The following CCNT2 variants were observed in gnomAD, a reference collection of about 807,000 sequenced individuals.
CCNT2 encodes the protein cyclin-T2.
A neutral mutation model predicts 70.0 loss-of-function variants in CCNT2; 18 were observed. That is an observed-to-expected ratio of 0.26 (90% CI 0.18 to 0.38). CCNT2 has a LOEUF of 0.38. Ranked by LOEUF, CCNT2 falls within the 10% of genes least tolerant of loss-of-function variation. The pLI is 1.00. For synonymous variants in CCNT2, 334 were observed against 313.3 expected (o/e 1.07, Z -0.70); for missense variants, 734 against 890.2 (o/e 0.82, Z 2.23).
At chr2:134,929,532 C>T (rs1025826022) in intron 2 of CCNT2, among the ~76,000 whole-genome samples, 4 of 150,762 alleles carry the variant, frequency 2.7e-5, no homozygotes, top group Non-Finnish European at 4.4e-5. Context: ...CGCTTGAGCC[C>T]AGGAGGTTGA....
intron 4 of CCNT2, among the ~76,000 whole-genome samples, chr2:134,940,108 T>G (rs1317001091): frequency 6.6e-6 from 1 of 152,250 alleles, no homozygotes; most frequent in East Asian, 1.9e-4. Flanking sequence ...TTTGTCATTT[T>G]TTTAATTTCA....
chr2:134,927,812 A>T (rs1680407219), intron 2 of CCNT2, among the ~76,000 whole-genome samples: 3 of 152,162 alleles, frequency 2.0e-5, no homozygotes, highest in African/African-American at 7.2e-5. Flanking sequence ...GAAATGATGG[A>T]ATCTCCTTAC....
At chr2:134,935,289 C>G (rs189498257) in intron 2 of CCNT2, among the ~76,000 whole-genome samples, 1 of 152,276 alleles carries the variant, frequency 6.6e-6, no homozygotes, top group Admixed American at 6.5e-5. Flanking sequence ...TCTTGGGAGC[C>G]AAACTCTATT....
intron 2 of CCNT2, 95 bp from the exon 3 acceptor site, chr2:134,936,746 C>T: frequency 8.8e-7 from 1 of 1,137,676 alleles, no homozygotes. Context: ...AGGAGCGAAA[C>T]TCCACCTCAA....
At chr2:134,939,454 T>TTTTA (rs1030830002) in intron 4 of CCNT2, among the ~76,000 whole-genome samples, 2,939 of 151,768 alleles carry the variant, frequency 0.019, 92 homozygotes, top group African/African-American at 0.065. Context: ...ACCTTTTTTA[T>TTTTA]TTTATTTATT....
At chr2:134,919,571 C>T (rs996552528) in intron 1 of CCNT2, among the ~76,000 whole-genome samples, 3 of 152,106 alleles carry the variant, frequency 2.0e-5, no homozygotes, top group African/African-American at 7.2e-5. Context: ...ATAAATAGTT[C>T]CAGGGCCCTC....
chr2:134,934,210 T>C (rs1680991386), intron 2 of CCNT2, among the ~76,000 whole-genome samples: 1 of 152,216 alleles, frequency 6.6e-6, no homozygotes, highest in South Asian at 2.1e-4. Context: ...TTTACTTTTT[T>C]CCCTTTAATT....
In CCNT2 at chr2:134,936,874, A is replaced by G; in HGVS notation, c.274A>G (p.Lys92Glu). The G allele has an allele frequency of 6.2e-7, 1 of 1,613,714 alleles. No individual in the cohort carries two copies. The highest frequency in any genetic ancestry group is 8.5e-7 in the Non-Finnish European group (1 of 1,179,692). ...GTCTACTGCATTATTTTTGGCTGCAAAAGTGGAAGAACAGGCTCGAAAACT... is the reference window on the plus strand; with the variant it reads ...GTCTACTGCATTATTTTTGGCTGCAGAAGTGGAAGAACAGGCTCGAAAACT... ...ISSTALFLAA[K>E]VEEQARKLEH... Residue 92 changes from lysine to glutamate, a missense_variant, in exon 3 of 9, where the codon AAA (lysine) becomes GAA (glutamate). By Grantham distance (56) the Lys-to-Glu change is moderately conservative. This residue lies in a region of CCNT2 where 161 missense variants were observed against 303.8 expected (regional missense o/e 0.53). Transcript: ENST00000264157.
chr2:134,918,872 A>G lies in CCNT2; in HGVS notation c.18A>G (p.Gly6=). The change falls in exon 1 of 9, where the codon GGA becomes GGG. Residue 6 remains glycine (G), a synonymous_variant. Transcript: ENST00000264157. The part of the protein sequence containing the change: MASGR[G]ASSRWFFTRE... Reference sequence around the variant, plus strand: ...GAAGTGTCATGGCGTCGGGCCGTGGAGCTTCTTCTCGCTGGTTCTTTACTC... The same window carrying G: ...GAAGTGTCATGGCGTCGGGCCGTGGGGCTTCTTCTCGCTGGTTCTTTACTC... 2 of 1,613,484 alleles carry G rather than the reference A, an allele frequency of 1.2e-6. No homozygotes were observed. Among genetic ancestry groups the G allele is most frequent in the Non-Finnish European group, 8.5e-7 (1 of 1,179,670 alleles).
At position 134,954,005 on chromosome 2, in the gene CCNT2, G is replaced by C. The variant is rs948550344; in HGVS notation, c.1550G>C (p.Ser517Thr). 6.2e-6 allele frequency: 10 copies of C among 1,614,018 alleles called. No individual in the cohort carries two copies. Among genetic ancestry groups the C allele is most frequent in the Non-Finnish European group, 8.5e-6 (10 of 1,180,032 alleles). The change falls in exon 9 of 9, where the codon AGC (serine) becomes ACC (threonine). Residue 517 changes from serine (S) to threonine (T), a missense_variant. This residue lies in a region of CCNT2 where 532 missense variants were observed against 556.9 expected (regional missense o/e 0.96). Coordinates refer to ENST00000264157, the MANE Select transcript of CCNT2 (RefSeq NM_058241.3). ...ATTCCAATACCACCCACTGATAAAA[G>C]CGCCAGTAAAGAAGAACTGAAAATG... ...LRIPIPPTDK[S>T]ASKEELKMKI...
intron 2 of CCNT2, among the ~76,000 whole-genome samples, chr2:134,932,379 A>C (rs1340683090): frequency 1.3e-5 from 2 of 152,200 alleles, no homozygotes; most frequent in Non-Finnish European, 2.9e-5. Flanking sequence ...CGGTTATGTT[A>C]ACCATTTTCA....
chr2:134,937,797 C>G (rs1375702799), intron 3 of CCNT2, among the ~76,000 whole-genome samples: 1 of 152,110 alleles, frequency 6.6e-6, no homozygotes, highest in African/African-American at 2.4e-5. Context: ...GCCTGTGATC[C>G]CAGCTACTTG....
At chr2:134,949,996 A>G (rs986946963) in intron 7 of CCNT2, among the ~76,000 whole-genome samples, 3 of 152,142 alleles carry the variant, frequency 2.0e-5, no homozygotes, top group Admixed American at 6.5e-5. Context: ...GGTTTTCACC[A>G]TGTTGGCCAG....
chr2:134,919,128 G>T (rs1210765184), intron 1 of CCNT2, 116 bp downstream of exon 1: 1 of 1,186,404 alleles, frequency 8.4e-7, no homozygotes, highest in Non-Finnish European at 1.2e-6. Flanking sequence ...TCGGCGCCGC[G>T]GTCAGGGAAG....
chr2:134,929,596 A>T (rs1680571513), intron 2 of CCNT2, among the ~76,000 whole-genome samples: 1 of 150,562 alleles, frequency 6.6e-6, no homozygotes, highest in African/African-American at 2.5e-5. Flanking sequence ...TGACAGAGCA[A>T]GACCCTGTCT....
intron 7 of CCNT2, among the ~76,000 whole-genome samples, chr2:134,948,313 C>T (rs1682152949): frequency 6.6e-6 from 1 of 151,742 alleles, no homozygotes; most frequent in African/African-American, 2.4e-5. Flanking sequence ...TTAACTACCA[C>T]CAAATATCTA....
At chr2:134,919,223 G>A (rs1679653637) in intron 1 of CCNT2, among the ~76,000 whole-genome samples, 1 of 152,208 alleles carries the variant, frequency 6.6e-6, no homozygotes, top group Non-Finnish European at 1.5e-5. Context: ...CCAGGAGCCT[G>A]CGTTGTGTAA....
At chr2:134,941,518 A>G (rs535945936) in intron 4 of CCNT2, among the ~76,000 whole-genome samples, 12 of 152,298 alleles carry the variant, frequency 7.9e-5, no homozygotes, top group African/African-American at 2.4e-4. Context: ...CTGCATGGGG[A>G]TCGGCACCCC....
At position 134,919,673 on chromosome 2, in the gene CCNT2, A is replaced by G. The variant is rs892715036; in HGVS notation, c.159-137A>G. 1.8e-5 allele frequency: 11 copies of G among 621,140 alleles called. No individual in the cohort carries two copies. In the African/African-American group the frequency reaches 2.1e-4, roughly 12 times the overall value. 38.5% of individuals were successfully genotyped at this position (621,140 alleles called of 1,614,324 possible). A position where few individuals can be genotyped will look rare whatever the true frequency, so the allele number is the denominator to read the frequency against. ...TCCTGCCGCCCCACCCCCCGCGGGC[A>G]TTTATTTCTTTATTTCCAGTTTGGG... On this transcript the variant is annotated intron_variant, in intron 1 of 8. Coordinates refer to ENST00000264157, the MANE Select transcript of CCNT2 (RefSeq NM_058241.3).
Sources: allele counts gnomAD v4.1 joint callset (sites outside exome capture counted in the v4.1 genomes callset), GRCh38; gene constraint gnomAD v4.1.1; regional missense constraint gnomAD v4.1.1; transcripts MANE v1.5; gene names NCBI Gene and HGNC (gene_info 2026-07-23, HGNC 2026-07-21).